Variants in EHBP1 observed in about 807,000 individuals in gnomAD.
EHBP1 encodes the protein EH domain-binding protein 1.
EHBP1 carries 55 observed loss-of-function variants against 144.0 expected under a neutral mutation model. The ratio of observed to expected loss-of-function variants is 0.38; its 90% CI spans 0.31 to 0.48. The LOEUF (loss-of-function observed/expected upper bound fraction) is 0.48. Ranked by LOEUF, EHBP1 falls within the 20% of genes least tolerant of loss-of-function variation. EHBP1 has a pLI of 0.98. For missense variants in EHBP1, 1,200 were observed against 1,364.2 expected (o/e 0.88, Z 1.90); for synonymous variants, 469 against 472.7 (o/e 0.99, Z 0.10).
intron 5 of EHBP1, among the ~76,000 whole-genome samples, chr2:62,774,624 G>T (rs1365942430): frequency 6.6e-6 from 1 of 152,102 alleles, no homozygotes. Flanking sequence ...AAATGGTGGT[G>T]TATAAAACAT....
At chr2:62,884,197 A>T (rs773622411) in intron 10 of EHBP1, among the ~76,000 whole-genome samples, 2 of 152,364 alleles carry the variant, frequency 1.3e-5, no homozygotes, top group African/African-American at 2.4e-5. Context: ...AGATGGAGGT[A>T]TGCCGAACAT....
intron 20 of EHBP1, 101 bp from the exon 21 acceptor site, chr2:63,038,642 A>G (rs1326535129): frequency 9.6e-7 from 1 of 1,040,146 alleles, no homozygotes; most frequent in Non-Finnish European, 1.5e-6. Context: ...TTAAAGAGAA[A>G]AGTCAGTTAT....
intron 10 of EHBP1, among the ~76,000 whole-genome samples, chr2:62,917,466 G>T (rs1240994484): frequency 6.6e-6 from 1 of 152,084 alleles, no homozygotes; most frequent in African/African-American, 2.4e-5. Context: ...AGATGCACAT[G>T]TGTGTGCGCA....
At chr2:62,737,557 C>T (rs1323535367) in intron 2 of EHBP1, among the ~76,000 whole-genome samples, 1 of 152,138 alleles carries the variant, frequency 6.6e-6, no homozygotes, top group African/African-American at 2.4e-5. Flanking sequence ...GCCCTGCGAC[C>T]TCATTTCTGT....
chr2:62,918,679 A>G (rs1279516207), intron 10 of EHBP1, among the ~76,000 whole-genome samples: 2 of 152,192 alleles, frequency 1.3e-5, no homozygotes, highest in Non-Finnish European at 2.9e-5. Flanking sequence ...TTTTACATTG[A>G]TTCACTGAAA....
intron 3 of EHBP1, among the ~76,000 whole-genome samples, chr2:62,756,270 A>G (rs948474962): frequency 6.6e-6 from 1 of 152,228 alleles, no homozygotes; most frequent in Admixed American, 6.5e-5. Flanking sequence ...CAGAATGCAA[A>G]CATATGAGGC....
intron 6 of EHBP1, among the ~76,000 whole-genome samples, chr2:62,828,318 C>A (rs1199774044): frequency 6.6e-6 from 1 of 152,106 alleles, no homozygotes; most frequent in Admixed American, 6.5e-5. Context: ...ATATTTCATT[C>A]ACTGTAGTTT....
At chr2:62,679,924 A>G (rs2033452279) in intron 1 of EHBP1, among the ~76,000 whole-genome samples, 1 of 152,210 alleles carries the variant, frequency 6.6e-6, no homozygotes, top group African/African-American at 2.4e-5. Context: ...AAAGGGCAAG[A>G]CATGCTTCAT....
intron 10 of EHBP1, among the ~76,000 whole-genome samples, chr2:62,923,131 C>CT (rs2055218816): frequency 6.6e-6 from 1 of 152,204 alleles, no homozygotes; most frequent in Non-Finnish European, 1.5e-5. Context: ...CTGCACCTGT[C>CT]TAACACTGGG....
At chr2:62,727,110 C>T (rs1198800480) in intron 2 of EHBP1, among the ~76,000 whole-genome samples, 1 of 152,208 alleles carries the variant, frequency 6.6e-6, no homozygotes, top group Non-Finnish European at 1.5e-5. Context: ...ATCCGCCCGC[C>T]TTGGCCTCCC....
chr2:62,839,640 A>G (rs1056708295), intron 7 of EHBP1, among the ~76,000 whole-genome samples: 8 of 149,594 alleles, frequency 5.3e-5, no homozygotes, highest in Non-Finnish European at 1.2e-4. Context: ...CAACTTCAGC[A>G]AAGTCTCAGG....
Position 62,864,561 on chromosome 2 carries a change from A to G in EHBP1, c.758-170A>G, listed in dbSNP as rs898772570. On this transcript the variant is annotated intron_variant, in intron 8 of 22. Transcript: ENST00000431489. ...TTAGATATCACATCTTCTGAACATT[A>G]AGACTACTTAGCCCCTCTAAAATAT... Among the ~76,000 whole-genome samples, 7 of 152,174 alleles carry G rather than the reference A, an allele frequency of 4.6e-5. No homozygotes were observed. In the East Asian group the frequency reaches 1.3e-3, roughly 29 times the overall value.
At chr2:62,894,968 A>G (rs1435803571) in intron 10 of EHBP1, among the ~76,000 whole-genome samples, 2 of 146,944 alleles carry the variant, frequency 1.4e-5, no homozygotes, top group Non-Finnish European at 3.0e-5. Context: ...TGCTGCAGGC[A>G]AGCAGGCAGG....
intron 2 of EHBP1, among the ~76,000 whole-genome samples, chr2:62,715,448 C>G (rs1166621430): frequency 2.0e-5 from 3 of 150,082 alleles, no homozygotes; most frequent in Non-Finnish European, 4.4e-5. Flanking sequence ...TGATGTATTT[C>G]TTTTCTTTTT....
At chr2:62,838,989 T>C (rs1343136245) in intron 7 of EHBP1, among the ~76,000 whole-genome samples, 1 of 144,736 alleles carries the variant, frequency 6.9e-6, no homozygotes, top group African/African-American at 2.6e-5. Context: ...TAACTCATTT[T>C]ATGAGGCCAG....
chr2:62,971,424 C>T (rs1237648219), intron 14 of EHBP1, among the ~76,000 whole-genome samples: 4 of 152,138 alleles, frequency 2.6e-5, no homozygotes, highest in South Asian at 2.1e-4. Context: ...ATTAGTTGCT[C>T]ATCATCTCTC....
chr2:63,004,018 A>T (rs537425986), intron 19 of EHBP1, among the ~76,000 whole-genome samples: 2 of 152,168 alleles, frequency 1.3e-5, no homozygotes, highest in Non-Finnish European at 2.9e-5. Flanking sequence ...ACTCTTTAAA[A>T]TTTTCTATAA....
chr2:62,947,407 T>G (rs182060361), intron 12 of EHBP1, among the ~76,000 whole-genome samples: 71 of 152,326 alleles, frequency 4.7e-4, no homozygotes, highest in African/African-American at 1.6e-3. Flanking sequence ...CTTTGAATTA[T>G]AATCCTTAAT....
chr2:63,018,737 TGTAAA>T (rs892042051), intron 19 of EHBP1, among the ~76,000 whole-genome samples: 4 of 152,226 alleles, frequency 2.6e-5, no homozygotes, highest in Non-Finnish European at 4.4e-5. Flanking sequence ...GAATTGGAAA[TGTAAA>T]GTATAATTTT....
Sources: gnomAD v4.1 joint callset for allele counts (sites outside exome capture counted in the v4.1 genomes callset) on GRCh38, gnomAD v4.1.1 for gene constraint, MANE v1.5 for transcripts, NCBI Gene and HGNC (gene_info 2026-07-23, HGNC 2026-07-21) for gene names.